The following TRPM8 variants were observed in gnomAD, a reference collection of about 807,000 sequenced individuals.
TRPM8 encodes transient receptor potential cation channel subfamily M member 8.
Under a neutral mutation model 133.7 loss-of-function variants are expected in TRPM8, and 110 were observed. The ratio of observed to expected loss-of-function variants is 0.82; its 90% CI spans 0.70 to 0.96. The LOEUF is 0.96. TRPM8 is among the 40% of genes least tolerant of loss of function. The pLI is 0.00. For synonymous variants in TRPM8, 535 were observed against 532.3 expected (o/e 1.01, Z -0.07); for missense variants, 1,291 against 1,379.5 (o/e 0.94, Z 1.02).
At chr2:233,963,986 T>A (rs1239973843) in intron 13 of TRPM8, among the ~76,000 whole-genome samples, 1 of 152,174 alleles carries the variant, frequency 6.6e-6, no homozygotes, top group African/African-American at 2.4e-5. Flanking sequence ...ATGGCATTAG[T>A]CTTAATATTT....
At chr2:233,995,715 G>C (rs906583483) in intron 21 of TRPM8, among the ~76,000 whole-genome samples, 5 of 151,646 alleles carry the variant, frequency 3.3e-5, no homozygotes, top group Non-Finnish European at 1.5e-5. Flanking sequence ...TGAACATTTA[G>C]TTTCTTTCTT....
intron 22 of TRPM8, among the ~76,000 whole-genome samples, chr2:233,999,102 T>C (rs1322182647): frequency 2.0e-5 from 3 of 152,150 alleles, no homozygotes; most frequent in African/African-American, 7.2e-5. Context: ...AAACTTGGTT[T>C]CCTGAAAGCA....
Position 233,927,778 on chromosome 2 carries a change from CTTTCTTTCT to C in TRPM8, c.117+1127_117+1135del, listed in dbSNP as rs1206089736. Reference sequence around the variant, plus strand: ...TCTTTCTTTCTTTCTTTCTTTCTTTCTTTCTTTCTTTCTTTTCTTTCCTTCCTTCCTTCC... The same window carrying C: ...TCTTTCTTTCTTTCTTTCTTTCTTTCTTCTTTTCTTTCCTTCCTTCCTTCC... On this transcript the variant is annotated intron_variant, in intron 2 of 25. Coordinates refer to ENST00000324695, the MANE Select transcript of TRPM8 (RefSeq NM_024080.5). Among the ~76,000 whole-genome samples, 151 of 46,214 alleles carry C rather than the reference CTTTCTTTCT, an allele frequency of 3.3e-3. 6 individuals are homozygous for C. Among genetic ancestry groups the C allele is most frequent in the Non-Finnish European group, 3.8e-3 (116 of 30,220 alleles). The allele number at this position is 46,214 out of a possible 152,430, so 30.3% of individuals were successfully genotyped here.
At chr2:233,938,352 C>G (rs1019899268) in intron 4 of TRPM8, among the ~76,000 whole-genome samples, 1 of 152,198 alleles carries the variant, frequency 6.6e-6, no homozygotes, top group Non-Finnish European at 1.5e-5. Context: ...GTCTGCTTTC[C>G]TTCTGTGAAC....
intron 1 of TRPM8, among the ~76,000 whole-genome samples, chr2:233,917,983 C>T (rs1419929524): frequency 6.6e-6 from 1 of 152,200 alleles, no homozygotes; most frequent in African/African-American, 2.4e-5. Flanking sequence ...GAAACAGGCT[C>T]ATCATTTGTA....
At chr2:233,995,268 C>G (rs961115562) in intron 21 of TRPM8, among the ~76,000 whole-genome samples, 2 of 152,058 alleles carry the variant, frequency 1.3e-5, no homozygotes, top group Non-Finnish European at 2.9e-5. Context: ...GTAGATTAAG[C>G]CAGTTAATTT....
chr2:233,980,164 C>A (rs1319731813), intron 17 of TRPM8, 24 bp from the exon 18 acceptor site: 2 of 1,501,426 alleles, frequency 1.3e-6, no homozygotes, highest in Non-Finnish European at 1.8e-6. Flanking sequence ...GCTGATGTCC[C>A]TCTCTGTCCC....
At chr2:233,943,081 T>C (rs1422553339) in intron 6 of TRPM8, 1 of 405,032 alleles carries the variant, frequency 2.5e-6, no homozygotes, top group Non-Finnish European at 4.4e-6. Flanking sequence ...TTTTTTTTTT[T>C]TTTTTTACAC....
rs556802261 is a variant in TRPM8 at position 233,989,031 on chromosome 2, C to T, written c.2939+3166C>T. ...ACTAACTATATTTACAGACATTAAA[C>T]AAAAAGACCAACAGCTCCTAAAACC... On this transcript the variant is annotated intron_variant, in intron 21 of 25. Coordinates refer to ENST00000324695, the MANE Select transcript of TRPM8 (RefSeq NM_024080.5). This position sits in a 1 kb window ranked among gnomAD's most constrained non-coding sequence, Gnocchi z 4.2. 5.6e-4 allele frequency among the ~76,000 whole-genome samples: 86 copies of T among 152,292 alleles called. No homozygotes were observed. The highest frequency in any genetic ancestry group is 1.2e-3 in the Non-Finnish European group (80 of 68,010).
Position 233,950,104 on chromosome 2 carries a change from G to A in TRPM8, c.1098G>A (p.Val366=), listed in dbSNP as rs1691139693. ...EKLVRFLPRT[V]SRLPEEETES... ...TGGTGCGCTTTTTACCCCGCACGGT[G>A]TCCCGGCTGCCTGAGGAGGAGACTG... Residue 366 remains valine, a synonymous_variant, in exon 9 of 26, where the codon GTG becomes GTA. Coordinates refer to ENST00000324695, the MANE Select transcript of TRPM8 (RefSeq NM_024080.5). The A allele has an allele frequency of 3.1e-6, 5 of 1,613,424 alleles. No homozygotes were observed. The highest frequency in any genetic ancestry group is 2.5e-6 in the Non-Finnish European group (3 of 1,180,042).
rs200895419 is a variant in TRPM8, at chr2:233,926,542, C to T, written c.5C>T (p.Ser2Phe). 6.2e-7 allele frequency: 1 copy of T among 1,613,662 alleles called. No individual in the cohort carries two copies. Among genetic ancestry groups the T allele is most frequent in the East Asian group, 2.2e-5 (1 of 44,874 alleles). MSFRAARLSMRN... is the reference protein window; with the variant it reads MFFRAARLSMRN... The stretch of plus-strand genomic sequence containing the variant: ...CCAACCATCGTCACAGAAAAGATGT[C>T]CTTTCGGGCAGCCAGGCTCAGCATG... The change falls in exon 2 of 26, where the codon TCC becomes TTC. Residue 2 changes from serine to phenylalanine, a missense_variant. This residue lies in a region of TRPM8 where 963 missense variants were observed against 968.9 expected (regional missense o/e 0.99). Transcript: ENST00000324695.
intron 21 of TRPM8, among the ~76,000 whole-genome samples, chr2:233,991,313 A>C (rs933129927): frequency 4.6e-5 from 7 of 152,242 alleles, no homozygotes; most frequent in Non-Finnish European, 1.0e-4. Flanking sequence ...TATCAATTCC[A>C]AAATCAGTGT....
chr2:233,930,864 A>G, intron 3 of TRPM8, 123 bp downstream of exon 3: 1 of 652,324 alleles, frequency 1.5e-6, no homozygotes, highest in Non-Finnish European at 2.7e-6. Flanking sequence ...AATTCTCAGA[A>G]ACACTGTTTG....
intron 17 of TRPM8, among the ~76,000 whole-genome samples, chr2:233,975,358 C>A (rs1394349864): frequency 6.6e-6 from 1 of 152,212 alleles, no homozygotes; most frequent in Admixed American, 6.5e-5. Flanking sequence ...AGGAACCCTG[C>A]CCACAGCCCC....
intron 11 of TRPM8, among the ~76,000 whole-genome samples, chr2:233,957,975 G>A (rs986640667): frequency 1.2e-4 from 19 of 152,134 alleles, no homozygotes; most frequent in African/African-American, 4.6e-4. Context: ...TTTCTAAAGT[G>A]CTTAGAACAT....
intron 22 of TRPM8, among the ~76,000 whole-genome samples, chr2:233,999,714 C>T (rs756984821): frequency 1.3e-5 from 2 of 152,240 alleles, no homozygotes; most frequent in Non-Finnish European, 2.9e-5. Flanking sequence ...GGGCTTACCT[C>T]TCATTAACTC....
At chr2:233,935,894 C>T (rs1336054794) in intron 3 of TRPM8, among the ~76,000 whole-genome samples, 2 of 152,110 alleles carry the variant, frequency 1.3e-5, no homozygotes, top group African/African-American at 4.8e-5. Flanking sequence ...CCACATCTCT[C>T]AGGATGCCCT....
intron 22 of TRPM8, among the ~76,000 whole-genome samples, chr2:233,997,255 C>T (rs1692430986): frequency 6.6e-6 from 1 of 152,074 alleles, no homozygotes; most frequent in African/African-American, 2.4e-5. Context: ...GCCTGGGCGA[C>T]AGAGTGAGAC....
At chr2:233,971,533 T>G (rs569675469) in intron 17 of TRPM8, among the ~76,000 whole-genome samples, 3 of 152,148 alleles carry the variant, frequency 2.0e-5, no homozygotes, top group Non-Finnish European at 4.4e-5. Flanking sequence ...GGAGCTGGGA[T>G]GGAGGTGGAG....
Sources: allele counts gnomAD v4.1 joint callset (sites outside exome capture counted in the v4.1 genomes callset), GRCh38; gene constraint gnomAD v4.1.1; regional missense constraint gnomAD v4.1.1; non-coding constraint Gnocchi (gnomAD v3.1); transcripts MANE v1.5; gene names NCBI Gene and HGNC (gene_info 2026-07-23, HGNC 2026-07-21).